Variants in ANKRD42 observed in about 807,000 individuals in gnomAD.
ANKRD42 encodes ankyrin repeat domain-containing protein 42.
In ANKRD42, 43 loss-of-function variants were observed where a neutral mutation model predicts 51.5. The observed-to-expected ratio is 0.83, with a 90% CI of 0.65 to 1.08. The LOEUF (loss-of-function observed/expected upper bound fraction) is 1.08, where lower values mean the gene tolerates loss of function less well. Ranked by LOEUF, ANKRD42 falls within the 50% of genes least tolerant of loss-of-function variation. ANKRD42 has a pLI of 0.00. For missense variants in ANKRD42, 608 were observed against 629.3 expected, an observed-to-expected ratio of 0.97 and a Z score of 0.36; for synonymous variants, 203 against 213.0, an observed-to-expected ratio of 0.95 and a Z score of 0.41.
chr11:83,211,348 T>A lies in ANKRD42; in HGVS notation c.504T>A (p.Phe168Leu). 6.2e-7 allele frequency: 1 copy of A among 1,614,230 alleles called. No individual in the cohort carries two copies. Residue 168 changes from phenylalanine (F) to leucine (L), a missense_variant, in exon 5 of 11, where the codon TTT becomes TTA. Transcript: ENST00000533342. ...GGAGACCTGTGCATTATGCAGCTTT[T>A]CATGGGCGGCTTGGCTGCTTGCAAC... ...REWRPVHYAA[F>L]HGRLGCLQLL... is the part of the protein sequence containing the mutation.
rs778427623 is a variant in ANKRD42 at position 83,254,430 on chromosome 11, C to CTTTTTTTT, written c.1465-1411_1465-1410insTTTTTTTT. On this transcript the variant is annotated intron_variant, in intron 11 of 11. Transcript: ENST00000260047. Reference sequence around the variant, plus strand: ...CCCCACCTGAGTGTTTTTCTTTTTTCTTTTCTTTTTTTTTTTTTTGAGACA... The same window carrying CTTTTTTTT: ...CCCCACCTGAGTGTTTTTCTTTTTTCTTTTTTTTTTTTCTTTTTTTTTTTTTTGAGACA... 1.5e-3 allele frequency among the ~76,000 whole-genome samples: 200 copies of CTTTTTTTT among 130,362 alleles called. 11 individuals carry two copies. Among genetic ancestry groups the CTTTTTTTT allele is most frequent in the South Asian group, 2.1e-3 (8 of 3,886 alleles). The allele number at this position is 130,362 out of a possible 152,430, so 85.5% of individuals were successfully genotyped here. A position where few individuals can be genotyped will look rare whatever the true frequency, so the allele number is the denominator to read the frequency against.
At chr11:83,238,015 G>A (rs669290) in intron 8 of ANKRD42, among the ~76,000 whole-genome samples, 108,350 of 152,102 alleles carry the variant, frequency 0.71, 39,347 homozygotes, top group African/African-American at 0.84. Context: ...TTCACTCAAC[G>A]TAATTATTTT....
intron 5 of ANKRD42, among the ~76,000 whole-genome samples, chr11:83,218,321 G>C (rs1467996056): frequency 2.0e-5 from 3 of 152,164 alleles, no homozygotes; most frequent in Non-Finnish European, 4.4e-5. Context: ...ACTGCCTGTT[G>C]CCCTGTGGGG....
At chr11:83,202,273 A>G (rs141483490) in intron 2 of ANKRD42, among the ~76,000 whole-genome samples, 27 of 152,242 alleles carry the variant, frequency 1.8e-4, no homozygotes, top group African/African-American at 6.3e-4. Context: ...TGCAAAAGTC[A>G]GATTTGTTGA....
chr11:83,213,794 G>A (rs762004848), intron 5 of ANKRD42: 9 of 154,004 alleles, frequency 5.8e-5, no homozygotes, highest in Non-Finnish European at 1.1e-4. Context: ...TGTCAGTTAC[G>A]TTTATTACCA....
At chr11:83,249,798 A>G (rs1863642670), downstream of ANKRD42, among the ~76,000 whole-genome samples, 1 of 152,148 alleles carries the variant, frequency 6.6e-6, no homozygotes, top group Non-Finnish European at 1.5e-5. Flanking sequence ...CAACTCTGGC[A>G]CTGCTTATTT....
downstream of ANKRD42, chr11:83,262,034 A>T: frequency 4.5e-6 from 5 of 1,107,008 alleles, no homozygotes; most frequent in African/African-American, 1.6e-5. Flanking sequence ...AAAGAGAATA[A>T]TGTTATCTTT....
At position 83,193,796 on chromosome 11, in the gene ANKRD42, C is replaced by T. The variant is rs754079684; in HGVS notation, c.-875C>T. Reference sequence around the variant, plus strand: ...CTGGAAAGAGACTCCGAGAAAGTACCAGCGGAAGGCGGCCGCCGCTACGGC... The same window carrying T: ...CTGGAAAGAGACTCCGAGAAAGTACTAGCGGAAGGCGGCCGCCGCTACGGC... On this transcript the variant is annotated 5_prime_UTR_variant, in exon 1 of 11. Coordinates refer to ENST00000533342, the MANE Select transcript of ANKRD42 (RefSeq NM_001300975.2). The T allele has an allele frequency of 4.6e-5, 21 of 453,886 alleles. No individual in the cohort carries two copies. The highest frequency in any genetic ancestry group is 8.4e-5 in the Non-Finnish European group (19 of 225,774). 28.1% of individuals were successfully genotyped at this position (453,886 alleles called of 1,614,324 possible). A position where few individuals can be genotyped will look rare whatever the true frequency, so the allele number is the denominator to read the frequency against.
intron 5 of ANKRD42, chr11:83,213,000 G>A (rs562776624): frequency 1.3e-6 from 2 of 1,599,216 alleles, no homozygotes; most frequent in South Asian, 2.2e-5. Context: ...CTCCTCCTCA[G>A]CATCATGGCC....
rs563179943 is a variant in ANKRD42 at position 83,220,299 on chromosome 11, C to T, written c.587-4556C>T. Among the ~76,000 whole-genome samples, 7 of 152,276 alleles carry T rather than the reference C, an allele frequency of 4.6e-5. No individual in the cohort carries two copies. The South Asian group carries it at 8.3e-4, about 18-fold the overall frequency. On this transcript the variant is annotated intron_variant, in intron 5 of 10. Coordinates refer to ENST00000533342, the MANE Select transcript of ANKRD42 (RefSeq NM_001300975.2). ...CCTGACACCTGTGTCTTTAGTCTGG[C>T]GGCTGTGCTAATTGCCTTTAAGTGG...
At position 83,209,931 on chromosome 11, in the gene ANKRD42, T is replaced by C. The variant is rs149301388; in HGVS notation, c.331-369T>C. On this transcript the variant is annotated intron_variant, in intron 3 of 10. Transcript: ENST00000533342. ...TTGGCAGATGGAGGAAGCATCTGAG[T>C]TTGAGACTGTGGCTGTTACAGGGAT... 3.5e-3 allele frequency: 1,330 copies of C among 383,354 alleles called. 3 individuals carry two copies. The highest frequency in any genetic ancestry group is 5.0e-3 in the Non-Finnish European group (1,048 of 209,562). The allele number at this position is 383,354 out of a possible 1,614,324, so 23.7% of individuals were successfully genotyped here.
At position 83,194,476 on chromosome 11, in the gene ANKRD42, G is replaced by T. The variant is rs1229062700; in HGVS notation, c.-195G>T. The T allele has an allele frequency of 7.1e-6, 5 of 707,128 alleles. No individual in the cohort carries two copies. Among genetic ancestry groups the T allele is most frequent in the Admixed American group, 4.0e-5 (2 of 49,908 alleles). 43.8% of individuals were successfully genotyped at this position (707,128 alleles called of 1,614,324 possible). A position where few individuals can be genotyped will look rare whatever the true frequency, so the allele number is the denominator to read the frequency against. On this transcript the variant is annotated 5_prime_UTR_variant, in exon 1 of 11. Coordinates refer to ENST00000533342, the MANE Select transcript of ANKRD42 (RefSeq NM_001300975.2). The stretch of plus-strand genomic sequence containing the variant: ...CAGCTACCGCTTCAGTGGCTTTTGG[G>T]AGAGAGAAAGTGAAGACGAAGGTTT...
At chr11:83,262,208 T>TA (rs945585059), downstream of ANKRD42, among the ~76,000 whole-genome samples, 1 of 152,152 alleles carries the variant, frequency 6.6e-6, no homozygotes, top group African/African-American at 2.4e-5. Context: ...TAGAAACCTA[T>TA]AACCTGTATT....
At chr11:83,209,564 T>A in intron 3 of ANKRD42, 2 of 952,916 alleles carry the variant, frequency 2.1e-6, no homozygotes, top group Non-Finnish European at 3.5e-6. Context: ...GGGATGGGTC[T>A]ATTATATGAT....
chr11:83,235,165 A>G (rs974978030), intron 7 of ANKRD42, among the ~76,000 whole-genome samples: 1 of 152,192 alleles, frequency 6.6e-6, no homozygotes, highest in Admixed American at 6.5e-5. Flanking sequence ...AGAACTAGAG[A>G]TTTCTTTTTA....
chr11:83,228,056 AT>A (rs756956049), intron 7 of ANKRD42, among the ~76,000 whole-genome samples, 184 bp downstream of exon 7: 14 of 152,180 alleles, frequency 9.2e-5, no homozygotes, highest in Admixed American at 3.9e-4. Flanking sequence ...TGTTTCTTTT[AT>A]GATGCCAGAT....
chr11:83,228,231 CTTT>C (rs11403803), intron 7 of ANKRD42, among the ~76,000 whole-genome samples: 2,423 of 58,656 alleles, frequency 0.041, 425 homozygotes, highest in Non-Finnish European at 0.045. Context: ...CTCTCTCTCT[CTTT>C]TTTTTTTTTT....
At chr11:83,226,222 CACACATACACACACACAT>C (rs1221745875) in intron 6 of ANKRD42, among the ~76,000 whole-genome samples, 3 of 151,982 alleles carry the variant, frequency 2.0e-5, no homozygotes, top group Non-Finnish European at 2.9e-5. Context: ...CACACACACA[CACACATACACACACACAT>C]ACACACACAC....
At chr11:83,208,216 AG>A (rs370996909) in intron 3 of ANKRD42, among the ~76,000 whole-genome samples, 4 of 150,484 alleles carry the variant, frequency 2.7e-5, no homozygotes, top group South Asian at 2.1e-4. Context: ...TGTCTGTGGG[AG>A]GGGGGGGTCT....
Sources: gnomAD v4.1 joint callset for allele counts (sites outside exome capture counted in the v4.1 genomes callset) on GRCh38, gnomAD v4.1.1 for gene constraint, MANE v1.5 for transcripts, NCBI Gene and HGNC (gene_info 2026-07-23, HGNC 2026-07-21) for gene names.